The following STARD13 variants were observed in gnomAD, a reference collection of about 807,000 sequenced individuals.
STARD13 encodes stAR-related lipid transfer protein 13.
Under a neutral mutation model 106.4 loss-of-function variants are expected in STARD13, and 62 were observed. That is an observed-to-expected ratio of 0.58 (90% confidence interval 0.48 to 0.72). The LOEUF (loss-of-function observed/expected upper bound fraction) is 0.72. Among genes scored for constraint, STARD13 ranks in the 30% least tolerant of loss-of-function variants. The pLI is 0.00. For missense variants in STARD13, 1,387 were observed against 1,424.0 expected, an observed-to-expected ratio of 0.97 and a Z score of 0.42; for synonymous variants, 565 against 553.0, an observed-to-expected ratio of 1.02 and a Z score of -0.31.
chr13:33,471,626 G>A, the STARD13 span, among the ~76,000 whole-genome samples: 1 of 144,412 alleles, frequency 6.9e-6, no homozygotes, highest in East Asian at 2.0e-4. Context: ...AGTCATATTG[G>A]CCCCCTGTTT....
chr13:33,167,770 G>GCTC, intron 1 of STARD13, 148 bp from the exon 2 acceptor site: 1 of 707,006 alleles, frequency 1.4e-6, no homozygotes, highest in Non-Finnish European at 2.4e-6. Context: ...AGGCTTACCC[G>GCTC]GGAGTGGGTG....
chr13:33,425,891 T>G, the STARD13 span, among the ~76,000 whole-genome samples: 1 of 152,242 alleles, frequency 6.6e-6, no homozygotes, highest in South Asian at 2.1e-4. Context: ...GTTTAAGACA[T>G]CCGAAGTAAC....
the STARD13 span, among the ~76,000 whole-genome samples, chr13:33,515,903 C>T: frequency 3.9e-5 from 6 of 151,946 alleles, no homozygotes; most frequent in African/African-American, 7.2e-5. Context: ...TCTCTGTTGC[C>T]CACCTGGGGA....
chr13:33,499,604 T>TTCTTCCTTC, the STARD13 span, among the ~76,000 whole-genome samples: 1 of 39,898 alleles, frequency 2.5e-5, no homozygotes, highest in African/African-American at 9.1e-5. Context: ...CTTCTTCTTC[T>TTCTTCCTTC]TTCTTCTTCT....
chr13:33,280,958 T>G (rs912445003), intron 1 of STARD13: 2 of 152,190 alleles, frequency 1.3e-5, no homozygotes, highest in Non-Finnish European at 1.5e-5. Context: ...ACCATTTCCT[T>G]GAGAAACTGT....
chr13:33,496,660 T>C, the STARD13 span, among the ~76,000 whole-genome samples: 1 of 152,226 alleles, frequency 6.6e-6, no homozygotes, highest in East Asian at 1.9e-4. Context: ...GGCTTCCATG[T>C]TTAACTCTTT....
chr13:33,514,896 C>T, the STARD13 span, among the ~76,000 whole-genome samples: 1 of 152,056 alleles, frequency 6.6e-6, no homozygotes, highest in African/African-American at 2.4e-5. Flanking sequence ...GAAAAAGAGC[C>T]CAAGGCTTCT....
the STARD13 span, among the ~76,000 whole-genome samples, chr13:33,493,681 T>G: frequency 1.3e-5 from 2 of 152,210 alleles, no homozygotes; most frequent in African/African-American, 2.4e-5. Context: ...TAAAGTTTAT[T>G]AGTTTTTTAA....
the STARD13 span, among the ~76,000 whole-genome samples, chr13:33,422,462 G>T: frequency 6.6e-6 from 1 of 152,090 alleles, no homozygotes; most frequent in East Asian, 1.9e-4. Context: ...GCAAATGGAA[G>T]AACATTCCAT....
exon 2 of STARD13, chr13:33,349,154 C>A: frequency 4.3e-6 from 3 of 702,376 alleles, no homozygotes; most frequent in Middle Eastern, 2.3e-4. Context: ...AGGCATCAGA[C>A]CTTCTTCTCT....
the STARD13 span, among the ~76,000 whole-genome samples, chr13:33,667,205 T>C: frequency 9.2e-5 from 14 of 152,344 alleles, no homozygotes; most frequent in African/African-American, 2.9e-4. Context: ...ACAACAGCGA[T>C]GATATGGAAA....
chr13:33,430,042 T>C, the STARD13 span, among the ~76,000 whole-genome samples: 9,761 of 151,894 alleles, frequency 0.064, 399 homozygotes, highest in East Asian at 0.14. Flanking sequence ...CTCAGCCTCC[T>C]GAGTAGCTGG....
At chr13:33,219,679 C>T (rs1225515131) in intron 1 of STARD13, among the ~76,000 whole-genome samples, 2 of 151,186 alleles carry the variant, frequency 1.3e-5, no homozygotes, top group East Asian at 3.9e-4. Flanking sequence ...GTGGTGCATG[C>T]CTGTAGTCCT....
At chr13:33,106,115 G>C (rs1873657610) in intron 13 of STARD13, among the ~76,000 whole-genome samples, 1 of 152,150 alleles carries the variant, frequency 6.6e-6, no homozygotes, top group African/African-American at 2.4e-5. Context: ...CAGCAAAAGG[G>C]GACAGGCATA....
At chr13:33,446,672 G>A in the STARD13 span, among the ~76,000 whole-genome samples, 1 of 152,042 alleles carries the variant, frequency 6.6e-6, no homozygotes, top group East Asian at 1.9e-4. Context: ...AAATTTTGGT[G>A]TATGTATATT....
the STARD13 span, among the ~76,000 whole-genome samples, chr13:33,524,642 A>T: frequency 1.3e-5 from 2 of 152,088 alleles, no homozygotes; most frequent in Non-Finnish European, 2.9e-5. Context: ...AAGATAAATT[A>T]TAGAACTATA....
chr13:33,259,806 T>C (rs1187637722), intron 1 of STARD13, among the ~76,000 whole-genome samples: 1 of 152,074 alleles, frequency 6.6e-6, no homozygotes, highest in Non-Finnish European at 1.5e-5. Context: ...CATATTAATA[T>C]GGTTTGGCTG....
At chr13:33,388,617 T>C in the STARD13 span, among the ~76,000 whole-genome samples, 1 of 152,226 alleles carries the variant, frequency 6.6e-6, no homozygotes, top group Non-Finnish European at 1.5e-5. Context: ...GTCATCCATT[T>C]GGAAGTCAGT....
intron 3 of STARD13, among the ~76,000 whole-genome samples, chr13:33,150,400 C>T (rs2858814): frequency 0.24 from 36,363 of 152,080 alleles, 5,171 homozygotes; most frequent in Middle Eastern, 0.37. Context: ...TGGACTGATG[C>T]TTTTATTTTC....
Sources: gnomAD v4.1 joint callset for allele counts (sites outside exome capture counted in the v4.1 genomes callset) on GRCh38, gnomAD v4.1.1 for gene constraint, MANE v1.5 for transcripts, NCBI Gene and HGNC (gene_info 2026-07-23, HGNC 2026-07-21) for gene names.